Variants in PTPRG observed in about 807,000 individuals in gnomAD.
PTPRG encodes protein tyrosine phosphatase receptor type G.
A neutral mutation model predicts 165.3 loss-of-function variants in PTPRG; 102 were observed. That is an observed-to-expected ratio of 0.62 (90% CI 0.53 to 0.73). The LOEUF (loss-of-function observed/expected upper bound fraction) is 0.73, where lower values mean the gene tolerates loss of function less well. Ranked by LOEUF, PTPRG falls within the 30% of genes least tolerant of loss-of-function variation. The pLI, the probability that PTPRG is intolerant of heterozygous loss-of-function variation, is 0.00. For missense variants in PTPRG, 1,866 were observed against 1,861.4 expected (o/e 1.00, Z -0.05); for synonymous variants, 675 against 669.5 (o/e 1.01, Z -0.13).
intron 10 of PTPRG, among the ~76,000 whole-genome samples, chr3:62,196,835 T>C (rs938391284): frequency 1.3e-5 from 2 of 152,220 alleles, no homozygotes; most frequent in African/African-American, 4.8e-5. Context: ...CCCTACAAAG[T>C]GCTAGAATTT....
intron 2 of PTPRG, among the ~76,000 whole-genome samples, chr3:61,754,699 G>T (rs1466691011): frequency 6.6e-6 from 1 of 152,182 alleles, no homozygotes. Context: ...AGGTTTCACT[G>T]TTGGATCCCT....
At chr3:61,595,170 G>C (rs1575525869) in intron 1 of PTPRG, among the ~76,000 whole-genome samples, 1 of 151,726 alleles carries the variant, frequency 6.6e-6, no homozygotes. Flanking sequence ...GGACGAAACC[G>C]AACAAGATGT....
chr3:61,951,934 A>G (rs1386249996), intron 2 of PTPRG, among the ~76,000 whole-genome samples: 1 of 152,098 alleles, frequency 6.6e-6, no homozygotes, highest in African/African-American at 2.4e-5. Context: ...CCTGGCCAAC[A>G]TGGGGAAACC....
At chr3:61,933,632 G>C (rs2039415229) in intron 2 of PTPRG, among the ~76,000 whole-genome samples, 2 of 152,074 alleles carry the variant, frequency 1.3e-5, no homozygotes, top group African/African-American at 4.8e-5. Flanking sequence ...TTTTGTAAAG[G>C]GTCACCTAAG....
Position 62,255,067 on chromosome 3 carries a change from T to C in PTPRG, c.2468-57T>C, listed in dbSNP as rs962663985. ...TTAAGGATGCTTTGCTTTATCAGTG[T>C]AATTTGTTTTATGGAAGTATTCTAT... On this transcript the variant is annotated intron_variant, in intron 15 of 29. Transcript: ENST00000474889. This position sits in a 1 kb window ranked among gnomAD's most constrained non-coding sequence, Gnocchi z 4.0. The C allele has an allele frequency of 8.4e-6, 12 of 1,436,110 alleles. No homozygotes were observed. In the African/African-American group the frequency reaches 1.6e-4, roughly 19 times the overall value. 89.0% of individuals were successfully genotyped at this position (1,436,110 alleles called of 1,614,324 possible).
intron 12 of PTPRG, among the ~76,000 whole-genome samples, chr3:62,209,752 A>G (rs959724183): frequency 6.6e-6 from 1 of 152,202 alleles, no homozygotes; most frequent in Non-Finnish European, 1.5e-5. Context: ...CTTCTCAGAA[A>G]GTATCTGGGT....
intron 15 of PTPRG, among the ~76,000 whole-genome samples, chr3:62,253,398 A>T (rs754379827): frequency 6.6e-6 from 1 of 152,138 alleles, no homozygotes; most frequent in Non-Finnish European, 1.5e-5. Context: ...TGAAAGTCCT[A>T]TAGTCTACAT....
In PTPRG at chr3:62,047,531, G is replaced by T. The variant is rs140537281; in HGVS notation, c.520-30632G>T. Among the ~76,000 whole-genome samples the T allele has an allele frequency of 2.9e-3, 437 of 152,250 alleles. 1 individual carries two copies. The highest frequency in any genetic ancestry group is 9.9e-3 in the African/African-American group (413 of 41,554). ...CCCTCCCCAGCCTCCCAAAGTGCTAGGATTACAGGCGTGAGCCACCATGCC... is the reference window on the plus strand; with the variant it reads ...CCCTCCCCAGCCTCCCAAAGTGCTATGATTACAGGCGTGAGCCACCATGCC... On this transcript the variant is annotated intron_variant, in intron 4 of 29. Coordinates refer to ENST00000474889, the MANE Select transcript of PTPRG (RefSeq NM_002841.4).
intron 1 of PTPRG, among the ~76,000 whole-genome samples, chr3:61,626,981 T>A (rs984064117): frequency 2.0e-5 from 3 of 152,124 alleles, no homozygotes; most frequent in African/African-American, 7.2e-5. Flanking sequence ...TTATATCCAA[T>A]TTATGTATGG....
At chr3:62,101,667 C>T (rs999434331) in intron 5 of PTPRG, among the ~76,000 whole-genome samples, 1 of 152,236 alleles carries the variant, frequency 6.6e-6, no homozygotes, top group African/African-American at 2.4e-5. Context: ...TAGAATTTGG[C>T]AGTGGCCTCC....
Position 61,776,523 on chromosome 3 carries a change from C to T in PTPRG, c.190+27541C>T, listed in dbSNP as rs542119502. ...CTCTTGGTCAGACCAGTTCCCCAGC[C>T]TCAGAAAATTTCAGAGGAGAAAGTA... On this transcript the variant is annotated intron_variant, in intron 2 of 29. Transcript: ENST00000474889. Among the ~76,000 whole-genome samples the T allele has an allele frequency of 3.3e-5, 5 of 152,206 alleles. No individual in the cohort carries two copies. The East Asian group carries it at 9.7e-4, about 29-fold the overall frequency.
chr3:62,267,086 CA>C (rs1182785726), intron 17 of PTPRG, among the ~76,000 whole-genome samples: 1 of 151,874 alleles, frequency 6.6e-6, no homozygotes, highest in African/African-American at 2.4e-5. Context: ...GGGGAGGGAA[CA>C]GGGGCATAGG....
chr3:62,142,401 C>G (rs75046527), intron 6 of PTPRG, among the ~76,000 whole-genome samples: 10,601 of 152,074 alleles, frequency 0.07, 421 homozygotes, highest in African/African-American at 0.11. Flanking sequence ...TTCTCGTGTT[C>G]TGAGTGTTGG....
chr3:62,225,271 A>G (rs1700735771), intron 13 of PTPRG, among the ~76,000 whole-genome samples: 1 of 152,214 alleles, frequency 6.6e-6, no homozygotes, highest in Admixed American at 6.5e-5. Flanking sequence ...ACATTCCTGA[A>G]AAGACTTGGA....
intron 2 of PTPRG, among the ~76,000 whole-genome samples, chr3:61,979,361 G>T (rs1052270631): frequency 6.6e-6 from 1 of 152,162 alleles, no homozygotes; most frequent in Non-Finnish European, 1.5e-5. Context: ...TTTGGTGAAT[G>T]CCTTGTTTGC....
intron 5 of PTPRG, among the ~76,000 whole-genome samples, chr3:62,119,314 A>C (rs1184493888): frequency 2.0e-5 from 3 of 152,250 alleles, no homozygotes; most frequent in Non-Finnish European, 4.4e-5. Flanking sequence ...AAGAGTACTG[A>C]GTTAGCAAAC....
intron 6 of PTPRG, among the ~76,000 whole-genome samples, chr3:62,143,827 C>G (rs1055347152): frequency 6.6e-6 from 1 of 152,122 alleles, no homozygotes; most frequent in African/African-American, 2.4e-5. Flanking sequence ...GCTGTGTGAC[C>G]CCAGTACAAA....
chr3:61,767,243 A>G (rs1159959483), intron 2 of PTPRG, among the ~76,000 whole-genome samples: 2 of 148,100 alleles, frequency 1.4e-5, no homozygotes, highest in African/African-American at 2.4e-5. Flanking sequence ...TCCATCTCAA[A>G]AAAAAAAAAA....
chr3:61,843,616 C>G (rs2036715733), intron 2 of PTPRG, among the ~76,000 whole-genome samples: 1 of 152,074 alleles, frequency 6.6e-6, no homozygotes, highest in Non-Finnish European at 1.5e-5. Context: ...TTTCTCAAAA[C>G]TAAGAGGTTT....
Sources: gnomAD v4.1 joint callset for allele counts (sites outside exome capture counted in the v4.1 genomes callset) on GRCh38, gnomAD v4.1.1 for gene constraint, Gnocchi (gnomAD v3.1) non-coding constraint, MANE v1.5 for transcripts, NCBI Gene and HGNC (gene_info 2026-07-23, HGNC 2026-07-21) for gene names.